TFAP2D: variants seen among roughly 807,000 people sequenced by gnomAD.
TFAP2D encodes transcription factor AP-2-delta.
A neutral mutation model predicts 43.6 loss-of-function variants in TFAP2D; 9 were observed. That is an observed-to-expected ratio of 0.21 (90% confidence interval 0.12 to 0.36). The LOEUF (loss-of-function observed/expected upper bound fraction) is 0.36. TFAP2D is among the 10% of genes least tolerant of loss of function. The pLI is 1.00. For synonymous variants in TFAP2D, 256 were observed against 224.9 expected (o/e 1.14, Z -1.24); for missense variants, 513 against 561.4 (o/e 0.91, Z 0.87).
At position 50,715,219 on chromosome 6, in the gene TFAP2D, A is replaced by C. The variant is rs1459781489; in HGVS notation, c.143A>C (p.Tyr48Ser). The C allele has an allele frequency of 1.2e-6, 2 of 1,609,606 alleles. No homozygotes were observed. Among genetic ancestry groups the C allele is most frequent in the East Asian group, 2.2e-5 (1 of 44,614 alleles). The stretch of plus-strand genomic sequence containing the variant: ...TATTCCTCCTCCTCTCCTTTAACTT[A>C]CTCCACCACCGGCACCGAGTTTGCG... ...VAYSSSSPLT[Y>S]STTGTEFASP... is the part of the protein sequence containing the mutation. Residue 48 changes from tyrosine to serine, a missense_variant, in exon 2 of 8, where the codon TAC becomes TCC. Coordinates refer to ENST00000008391, the MANE Select transcript of TFAP2D (RefSeq NM_172238.4).
chr6:50,769,750 A>C (rs1769498870), intron 7 of TFAP2D, among the ~76,000 whole-genome samples: 3 of 152,194 alleles, frequency 2.0e-5, no homozygotes, highest in Admixed American at 2.0e-4. Flanking sequence ...GCCTGGGAGG[A>C]ACATAAGTAC....
intron 2 of TFAP2D, 86 bp from the exon 3 acceptor site, chr6:50,719,004 G>A (rs1363835915): frequency 7.9e-7 from 1 of 1,270,138 alleles, no homozygotes; most frequent in Non-Finnish European, 1.1e-6. Flanking sequence ...AGAGTTCAGG[G>A]ATGGGCTAGT....
At chr6:50,719,527 G>A (rs1183827842) in intron 3 of TFAP2D, among the ~76,000 whole-genome samples, 3 of 151,206 alleles carry the variant, frequency 2.0e-5, no homozygotes, top group Non-Finnish European at 2.9e-5. Context: ...TCTTCCCCCA[G>A]CACTAATACC....
At position 50,749,180 on chromosome 6, in the gene TFAP2D, T is replaced by C. The variant is rs948956530; in HGVS notation, c.1026-2031T>C. On this transcript the variant is annotated intron_variant, in intron 6 of 7. Coordinates refer to ENST00000008391, the MANE Select transcript of TFAP2D (RefSeq NM_172238.4). ...GAATTAAATATAAAAGGGGGAGATA[T>C]AATATAATATAATATTACTCCTGGT... Among the ~76,000 whole-genome samples, 4 of 151,720 alleles carry C rather than the reference T, an allele frequency of 2.6e-5. No homozygotes were observed. In the South Asian group the frequency reaches 8.3e-4, roughly 31 times the overall value.
intron 5 of TFAP2D, among the ~76,000 whole-genome samples, chr6:50,729,776 C>A (rs912766916): frequency 3.9e-5 from 6 of 152,096 alleles, no homozygotes; most frequent in Admixed American, 6.6e-5. Flanking sequence ...CCTAGTAGAC[C>A]TCTCTAAAGA....
Position 50,772,805 on chromosome 6 carries a change from C to A in TFAP2D, c.1300C>A (p.Pro434Thr), listed in dbSNP as rs1240600412. The A allele has an allele frequency of 3.1e-6, 5 of 1,614,006 alleles. No homozygotes were observed. Among genetic ancestry groups the A allele is most frequent in the Non-Finnish European group, 4.2e-6 (5 of 1,179,978 alleles). ...AGGACATGCCAACTCGGAGAAAGCTCCCCTGCGGAAAACTTCAGAGGCTGC... is the reference window on the plus strand; with the variant it reads ...AGGACATGCCAACTCGGAGAAAGCTACCCTGCGGAAAACTTCAGAGGCTGC... ...GQGHANSEKA[P>T]LRKTSEAAVK... Residue 434 changes from proline to threonine, a missense_variant, in exon 8 of 8, where the codon CCC becomes ACC. Around this residue, in one of 3 missense-constraint regions of TFAP2D, gnomAD observed 199 missense variants for 227.9 expected, o/e 0.87. Coordinates refer to ENST00000008391, the MANE Select transcript of TFAP2D (RefSeq NM_172238.4).
intron 7 of TFAP2D, among the ~76,000 whole-genome samples, chr6:50,771,821 G>C (rs1411137379): frequency 6.6e-6 from 1 of 152,132 alleles, no homozygotes; most frequent in African/African-American, 2.4e-5. Flanking sequence ...AACCATTGTG[G>C]AAGTCAGTGT....
chr6:50,727,141 G>T (rs1768819163), intron 3 of TFAP2D, among the ~76,000 whole-genome samples: 1 of 152,136 alleles, frequency 6.6e-6, no homozygotes, highest in Non-Finnish European at 1.5e-5. Context: ...GTTTTTGTTG[G>T]TTTGTTGTTT....
At chr6:50,765,870 C>G (rs1769434632) in intron 7 of TFAP2D, among the ~76,000 whole-genome samples, 1 of 152,070 alleles carries the variant, frequency 6.6e-6, no homozygotes, top group Non-Finnish European at 1.5e-5. Context: ...TTTCATTTGA[C>G]CTAATCCCAT....
rs114348576 is a variant in TFAP2D at position 50,764,113 on chromosome 6, C to T, written c.1140-8532C>T. Among the ~76,000 whole-genome samples the T allele has an allele frequency of 5.8e-3, 879 of 152,178 alleles. 8 individuals carry two copies. Among genetic ancestry groups the T allele is most frequent in the African/African-American group, 0.02 (823 of 41,520 alleles). ...CTGCTTTAACTATTAAGGCATGTCT[C>T]TCTGTTTAATTGTACTACTTTATGT... On this transcript the variant is annotated intron_variant, in intron 7 of 7. Coordinates refer to ENST00000008391, the MANE Select transcript of TFAP2D (RefSeq NM_172238.4).
At chr6:50,755,489 A>C (rs540346873) in intron 7 of TFAP2D, among the ~76,000 whole-genome samples, 3 of 151,606 alleles carry the variant, frequency 2.0e-5, no homozygotes, top group Non-Finnish European at 4.4e-5. Context: ...GATTTGATTC[A>C]GTAGTTCTAG....
intron 3 of TFAP2D, among the ~76,000 whole-genome samples, chr6:50,720,029 T>G (rs1768693530): frequency 6.6e-6 from 1 of 152,232 alleles, no homozygotes; most frequent in Non-Finnish European, 1.5e-5. Flanking sequence ...GAAGTTTATT[T>G]TTCTAGCAAG....
In TFAP2D at chr6:50,751,331, C is replaced by T; in HGVS notation, c.1139+7C>T. On this transcript the variant is annotated splice_region_variant and intron_variant, in intron 7 of 7. Transcript: ENST00000008391. The stretch of plus-strand genomic sequence containing the variant: ...GACATTTAACACATTTCAGGTAAGA[C>T]TGGTTTTCCAGTTTGCTCAAATTCT... 1 of 1,596,296 alleles carries T rather than the reference C, an allele frequency of 6.3e-7. No individual in the cohort carries two copies. The highest frequency in any genetic ancestry group is 1.1e-5 in the South Asian group (1 of 90,672).
chr6:50,745,096 T>C lies in TFAP2D; in HGVS notation c.884-11T>C. The C allele has an allele frequency of 2.5e-6, 4 of 1,612,996 alleles. No homozygotes were observed. The highest frequency in any genetic ancestry group is 1.7e-4 in the Middle Eastern group (1 of 6,044). ...ACTGGTGAGAAACTCACTTGTGTTATCTGCCAACAGGGGAGGCTTTGCACT... is the reference window on the plus strand; with the variant it reads ...ACTGGTGAGAAACTCACTTGTGTTACCTGCCAACAGGGGAGGCTTTGCACT... On this transcript the variant is annotated splice_polypyrimidine_tract_variant and intron_variant, in intron 5 of 7. Transcript: ENST00000008391.
At chr6:50,769,820 T>C (rs1190528144) in intron 7 of TFAP2D, among the ~76,000 whole-genome samples, 1 of 152,168 alleles carries the variant, frequency 6.6e-6, no homozygotes, top group Non-Finnish European at 1.5e-5. Flanking sequence ...TCTTCGTCTG[T>C]AAAATGGAAA....
At chr6:50,757,400 T>TAC (rs1366697824) in intron 7 of TFAP2D, among the ~76,000 whole-genome samples, 2 of 132,010 alleles carry the variant, frequency 1.5e-5, no homozygotes, top group South Asian at 2.2e-4. Context: ...ATATATAGAA[T>TAC]ATATAATTAT....
At chr6:50,715,936 T>A (rs1363813974) in intron 2 of TFAP2D, among the ~76,000 whole-genome samples, 3 of 152,034 alleles carry the variant, frequency 2.0e-5, no homozygotes, top group African/African-American at 7.3e-5. Context: ...TGAATCAACA[T>A]TTGTGACCCT....
chr6:50,772,889 A>G lies in TFAP2D; in HGVS notation c.*25A>G. The G allele has an allele frequency of 1.3e-6, 2 of 1,587,870 alleles. No individual in the cohort carries two copies. The highest frequency in any genetic ancestry group is 1.8e-5 in the Admixed American group (1 of 56,448). ...GCTACATCAAACAGAATCTATTTCC[A>G]GAGAGTCTTGCTGCTGATATTTTTT... On this transcript the variant is annotated 3_prime_UTR_variant, in exon 8 of 8. Coordinates refer to ENST00000008391, the MANE Select transcript of TFAP2D (RefSeq NM_172238.4).
At chr6:50,756,053 G>GGGTT (rs1769260768) in intron 7 of TFAP2D, among the ~76,000 whole-genome samples, 1 of 151,802 alleles carries the variant, frequency 6.6e-6, no homozygotes, top group South Asian at 2.1e-4. Context: ...TATAGAGATA[G>GGGTT]GGTTTCACCA....
Sources: gnomAD v4.1 joint callset for allele counts (sites outside exome capture counted in the v4.1 genomes callset) on GRCh38, gnomAD v4.1.1 for gene constraint, gnomAD v4.1.1 regional missense constraint, MANE v1.5 for transcripts, NCBI Gene and HGNC (gene_info 2026-07-23, HGNC 2026-07-21) for gene names.